Variants in UBE2R2 observed in about 807,000 individuals in gnomAD.
The protein encoded by UBE2R2 is ubiquitin conjugating enzyme E2 R2.
A neutral mutation model predicts 27.8 loss-of-function variants in UBE2R2; 1 was observed. The ratio of observed to expected loss-of-function variants is 0.04; its 90% confidence interval spans 0.01 to 0.17. UBE2R2 has a LOEUF of 0.17. Ranked by LOEUF, UBE2R2 falls within the 10% of genes least tolerant of loss-of-function variation. UBE2R2 has a pLI of 1.00. For synonymous variants in UBE2R2, 106 were observed against 113.3 expected, an observed-to-expected ratio of 0.94 and a Z score of 0.41; for missense variants, 100 against 291.0, an observed-to-expected ratio of 0.34 and a Z score of 4.78.
chr9:33,901,791 A>C (rs922468809), intron 3 of UBE2R2, among the ~76,000 whole-genome samples: 1 of 152,162 alleles, frequency 6.6e-6, no homozygotes, highest in African/African-American at 2.4e-5. Context: ...AGATTTCAGC[A>C]TATCTTACCA....
chr9:33,881,686 G>A (rs1376904164), intron 1 of UBE2R2, among the ~76,000 whole-genome samples: 1 of 152,074 alleles, frequency 6.6e-6, no homozygotes, highest in East Asian at 1.9e-4. Context: ...ACTAGAATGG[G>A]GTTATAGATT....
intron 1 of UBE2R2, among the ~76,000 whole-genome samples, chr9:33,886,010 TGTCA>T (rs1821844747): frequency 6.6e-6 from 1 of 152,206 alleles, no homozygotes; most frequent in South Asian, 2.1e-4. Context: ...ATGCAGATAC[TGTCA>T]GTCATCCATG....
intron 1 of UBE2R2, among the ~76,000 whole-genome samples, chr9:33,868,100 A>G (rs949204472): frequency 6.6e-6 from 1 of 152,120 alleles, no homozygotes; most frequent in Admixed American, 6.6e-5. Flanking sequence ...TGGAAAGGGG[A>G]TGGGAAGGTG....
chr9:33,873,797 G>A (rs964513720), intron 1 of UBE2R2, among the ~76,000 whole-genome samples: 2 of 151,964 alleles, frequency 1.3e-5, no homozygotes, highest in African/African-American at 2.4e-5. Context: ...CATCATGCCT[G>A]GCTAAGTTAA....
chr9:33,846,104 T>TA (rs1302712543), intron 1 of UBE2R2, among the ~76,000 whole-genome samples: 2 of 143,314 alleles, frequency 1.4e-5, no homozygotes, highest in Non-Finnish European at 3.0e-5. Context: ...CCAGCCTGGG[T>TA]GACAGCAAGA....
intron 1 of UBE2R2, among the ~76,000 whole-genome samples, chr9:33,884,689 A>G (rs1821819145): frequency 6.6e-6 from 1 of 152,046 alleles, no homozygotes; most frequent in African/African-American, 2.4e-5. Context: ...GTCCTTTGAA[A>G]TGTTTAAAGG....
At chr9:33,859,151 T>TA (rs148411308) in intron 1 of UBE2R2, among the ~76,000 whole-genome samples, 1,743 of 152,292 alleles carry the variant, frequency 0.011, 21 homozygotes, top group South Asian at 0.038. Flanking sequence ...TATTAAAAAA[T>TA]ATATGCTATG....
In UBE2R2 at chr9:33,918,573, T is replaced by C. The variant is rs1243254345; in HGVS notation, c.*1336T>C. ...ATCTCAATCGTGTTGCTTCAATCAATATTGAGATCCAGCAGCCTTCACCAT... is the reference window on the plus strand; with the variant it reads ...ATCTCAATCGTGTTGCTTCAATCAACATTGAGATCCAGCAGCCTTCACCAT... On this transcript the variant is annotated 3_prime_UTR_variant, in exon 5 of 5. Transcript: ENST00000263228. 1 of 152,248 alleles carries C rather than the reference T, an allele frequency of 6.6e-6. No individual in the cohort carries two copies. The highest frequency in any genetic ancestry group is 2.4e-5 in the African/African-American group (1 of 41,428). 9.4% of individuals were successfully genotyped at this position (152,248 alleles called of 1,614,324 possible).
chr9:33,839,343 TTCTCCTGCC>T (rs1820682101), intron 1 of UBE2R2, among the ~76,000 whole-genome samples: 1 of 152,122 alleles, frequency 6.6e-6, no homozygotes, highest in Non-Finnish European at 1.5e-5. Flanking sequence ...GTTCGAGCAA[TTCTCCTGCC>T]TCAGCCTCCC....
intron 3 of UBE2R2, among the ~76,000 whole-genome samples, chr9:33,900,668 G>A (rs750604201): frequency 3.3e-5 from 5 of 151,944 alleles, no homozygotes; most frequent in South Asian, 2.1e-4. Context: ...TTTACCTGTC[G>A]TTGTTTTGCT....
At chr9:33,913,412 C>A (rs1016754467) in intron 4 of UBE2R2, among the ~76,000 whole-genome samples, 7 of 152,134 alleles carry the variant, frequency 4.6e-5, no homozygotes, top group Non-Finnish European at 1.0e-4. Flanking sequence ...GCATGCACCA[C>A]CACACCCAGC....
intron 1 of UBE2R2, among the ~76,000 whole-genome samples, chr9:33,861,571 G>A (rs2130767703): frequency 6.6e-6 from 1 of 151,782 alleles, no homozygotes; most frequent in East Asian, 2.0e-4. Flanking sequence ...TAGCCTAGGC[G>A]ACAGAGTGAG....
At chr9:33,833,930 A>G (rs1323017868) in intron 1 of UBE2R2, among the ~76,000 whole-genome samples, 2 of 152,206 alleles carry the variant, frequency 1.3e-5, no homozygotes, top group African/African-American at 2.4e-5. Context: ...TTCACTTAGT[A>G]TAATTATCTC....
At chr9:33,831,848 A>T (rs1295882558) in intron 1 of UBE2R2, among the ~76,000 whole-genome samples, 2 of 151,544 alleles carry the variant, frequency 1.3e-5, no homozygotes, top group Non-Finnish European at 2.9e-5. Flanking sequence ...TTTAGTAGAG[A>T]TGGGGTTTTT....
intron 1 of UBE2R2, among the ~76,000 whole-genome samples, chr9:33,841,268 C>T (rs541637238): frequency 4.6e-5 from 7 of 152,098 alleles, no homozygotes; most frequent in Middle Eastern, 3.4e-3. Flanking sequence ...TTAGTAGAGA[C>T]GGAGTTTCAC....
At chr9:33,831,592 T>C (rs1471098792) in intron 1 of UBE2R2, among the ~76,000 whole-genome samples, 1 of 152,124 alleles carries the variant, frequency 6.6e-6, no homozygotes, top group Non-Finnish European at 1.5e-5. Flanking sequence ...AATTTTTGTA[T>C]TTTTAGTAGA....
intron 1 of UBE2R2, among the ~76,000 whole-genome samples, chr9:33,885,026 C>G (rs1472388864): frequency 6.6e-6 from 1 of 152,168 alleles, no homozygotes; most frequent in Non-Finnish European, 1.5e-5. Context: ...AATGATTGAA[C>G]AGAGATTTCC....
At chr9:33,902,068 G>A (rs899091325) in intron 3 of UBE2R2, among the ~76,000 whole-genome samples, 3 of 151,688 alleles carry the variant, frequency 2.0e-5, no homozygotes, top group South Asian at 2.1e-4. Context: ...CATGCATCAC[G>A]GTGTCTGCTC....
intron 1 of UBE2R2, among the ~76,000 whole-genome samples, chr9:33,860,968 T>TG (rs899389003): frequency 2.7e-5 from 4 of 150,374 alleles, no homozygotes; most frequent in African/African-American, 9.8e-5. Context: ...GTTTTTTGTT[T>TG]TTTTTTTTGA....
Sources: allele counts gnomAD v4.1 joint callset (sites outside exome capture counted in the v4.1 genomes callset), GRCh38; gene constraint gnomAD v4.1.1; transcripts MANE v1.5; gene names NCBI Gene and HGNC (gene_info 2026-07-23, HGNC 2026-07-21).